Variants in FASN observed in about 807,000 individuals in gnomAD.
FASN encodes the protein 3-hydroxyacyl-[acyl-carrier-protein] dehydratase.
FASN carries 50 observed loss-of-function variants against 250.0 expected under a neutral mutation model. That is an observed-to-expected ratio of 0.20 (90% CI 0.16 to 0.25). The LOEUF is 0.25. Among genes scored for constraint, FASN ranks in the 10% least tolerant of loss-of-function variants. FASN has a pLI of 1.00. For missense variants in FASN, 3,031 were observed against 3,498.5 expected (o/e 0.87, Z 3.37); for synonymous variants, 1,909 against 1,584.0 (o/e 1.21, Z -4.87).
At position 82,093,250 on chromosome 17, in the gene FASN, G is replaced by T. The variant is rs45624241; in HGVS notation, c.624C>A (p.Pro208=). 3 of 1,591,540 alleles carry T rather than the reference G, an allele frequency of 1.9e-6. No homozygotes were observed. The highest frequency in any genetic ancestry group is 2.7e-5 in the African/African-American group (2 of 74,758). Residue 208 remains proline (P), a synonymous_variant, in exon 5 of 43, where the codon CCC becomes CCA. Transcript: ENST00000306749. ...VQFLRLGMLS[P]EGTCKAFDTA... ...TGTCGAAGGCCTTGCAGGTGCCCTCGGGGCTGAGCATCCCCAGCCTCAAGA... is the reference window on the plus strand; with the variant it reads ...TGTCGAAGGCCTTGCAGGTGCCCTCTGGGCTGAGCATCCCCAGCCTCAAGA...
intron 8 of FASN, 22 bp downstream of exon 8, chr17:82,092,433 C>T: frequency 6.4e-7 from 1 of 1,556,636 alleles, no homozygotes; most frequent in Non-Finnish European, 8.7e-7. Flanking sequence ...CCTGAGGGAC[C>T]CCCAAGCCCA....
rs369165896 is a variant in FASN, at chr17:82,079,390, G to A, written c.7365C>T (p.Gly2455=). ...LLRAKTGGAY[G]EDLGADYNLS... ...GGTTGTAGTCCGCGCCCAGGTCCTCGCCGTAGGCGCCACCCGTCTTGGCGC... is the reference window on the plus strand; with the variant it reads ...GGTTGTAGTCCGCGCCCAGGTCCTCACCGTAGGCGCCACCCGTCTTGGCGC... Residue 2455 remains glycine, a synonymous_variant, in exon 42 of 43, where the codon GGC becomes GGT. Transcript: ENST00000306749. The A allele has an allele frequency of 2.4e-5, 38 of 1,612,880 alleles. No individual in the cohort carries two copies. The highest frequency in any genetic ancestry group is 9.3e-5 in the African/African-American group (7 of 74,954).
In FASN at chr17:82,080,556, G is replaced by A; in HGVS notation, c.6861C>T (p.Ala2287=). ...APLDSIHSLA[A]YYIDCIRQVQ... ...CCTGCCTGATGCAGTCGATGTAGTA[G>A]GCAGCCAGGCTGTGGATGCTGTCAA... The change falls in exon 40 of 43, where the codon GCC becomes GCT. Residue 2287 remains alanine, a synonymous_variant. Coordinates refer to ENST00000306749, the MANE Select transcript of FASN (RefSeq NM_004104.5). 4.5e-6 allele frequency: 7 copies of A among 1,559,688 alleles called. No homozygotes were observed. The highest frequency in any genetic ancestry group is 1.2e-5 in the South Asian group (1 of 85,084).
chr17:82,096,562 G>A (rs2034307804), intron 1 of FASN, 110 bp from the exon 2 acceptor site: 3 of 1,515,254 alleles, frequency 2.0e-6, no homozygotes, highest in East Asian at 2.3e-5. Flanking sequence ...ACCACCCTGA[G>A]GGTCCGTGCG....
At chr17:82,086,166 C>A (rs2034093898) in intron 22 of FASN, 88 bp downstream of exon 22, 2 of 1,531,176 alleles carry the variant, frequency 1.3e-6, no homozygotes, top group Non-Finnish European at 1.7e-6. Context: ...CAGGGCCCGC[C>A]CCGTGTCTGT....
chr17:82,089,609 C>G (rs767802559), intron 12 of FASN, 23 bp downstream of exon 12: 11 of 1,574,326 alleles, frequency 7.0e-6, no homozygotes, highest in Non-Finnish European at 9.5e-6. Flanking sequence ...GACAGAGGAG[C>G]CCGCCCAGGC....
chr17:82,095,201 G>A, intron 3 of FASN, 119 bp downstream of exon 3: 1 of 1,274,918 alleles, frequency 7.8e-7, no homozygotes, highest in Non-Finnish European at 1.1e-6. Context: ...CAGGGGCACA[G>A]CCGGGGAGGG....
At chr17:82,088,081 AG>A (rs1179836134) in intron 17 of FASN, 34 bp downstream of exon 17, 2 of 1,612,452 alleles carry the variant, frequency 1.2e-6, no homozygotes, top group Admixed American at 3.3e-5. Context: ...CCCGCCCCCC[AG>A]CTACCCCCGC....
At chr17:82,096,537 C>G in intron 1 of FASN, 85 bp from the exon 2 acceptor site, 3 of 1,586,808 alleles carry the variant, frequency 1.9e-6, no homozygotes, top group Non-Finnish European at 2.6e-6. Context: ...CAGGTGGACA[C>G]CCATGGGGCC....
In FASN at chr17:82,082,171, G is replaced by T; in HGVS notation, c.6012-11C>A. ...GCCTCTCGGGTCACCCTGTGGGCAC[G>T]CGTGTCACTCCCCATTGGCCAGCAT... On this transcript the variant is annotated splice_polypyrimidine_tract_variant and intron_variant, in intron 35 of 42. Transcript: ENST00000306749. The T allele has an allele frequency of 6.2e-7, 1 of 1,601,688 alleles. No individual in the cohort carries two copies. Among genetic ancestry groups the T allele is most frequent in the Middle Eastern group, 1.7e-4 (1 of 6,060 alleles).
intron 33 of FASN, 37 bp from the exon 34 acceptor site, chr17:82,082,715 G>A: frequency 6.2e-7 from 1 of 1,602,554 alleles, no homozygotes; most frequent in Non-Finnish European, 8.5e-7. Flanking sequence ...ACTGGGCCAG[G>A]GTACGGTCTC....
chr17:82,089,149 A>T lies in FASN; in HGVS notation c.2124T>A (p.Arg708=), dbSNP rs1284972332. ...LKKVIREPKP[R]SARWLSTSIP... is the part of the protein sequence containing the mutation. ...TAGAGGTGCTGAGCCAGCGGGCTGA[A>T]CGTGGCTTCGGCTCCCGGATCACCT... The change falls in exon 14 of 43, where the codon CGT becomes CGA. Residue 708 remains arginine, a synonymous_variant. Transcript: ENST00000306749. 6.4e-7 allele frequency: 1 copy of T among 1,571,618 alleles called. No individual in the cohort carries two copies. Among genetic ancestry groups the T allele is most frequent in the African/African-American group, 1.4e-5 (1 of 73,674 alleles).
In FASN at chr17:82,091,026, G is replaced by A. The variant is rs368917950; in HGVS notation, c.1536C>T (p.Arg512=). 14 of 1,612,740 alleles carry A rather than the reference G, an allele frequency of 8.7e-6. No individual in the cohort carries two copies. The highest frequency in any genetic ancestry group is 3.3e-5 in the Admixed American group (2 of 60,022). Residue 512 remains arginine (R), a synonymous_variant, in exon 10 of 43, where the codon CGC becomes CGT. Transcript: ENST00000306749. ...GGATGGAATCTCGGAAGCGGTCCAG[G>A]CGCATGAGGCTCAGCCCCATCCCGC... The part of the protein sequence containing the change: ...QWRGMGLSLM[R]LDRFRDSILR...
chr17:82,081,086 G>A (rs1420522441), intron 38 of FASN, 78 bp downstream of exon 38: 28 of 1,500,244 alleles, frequency 1.9e-5, no homozygotes, highest in African/African-American at 5.5e-5. Context: ...TATGCCTGCC[G>A]GGACACGGTC....
At chr17:82,094,826 G>A (rs1598584865) in intron 3 of FASN, among the ~76,000 whole-genome samples, 1 of 151,370 alleles carries the variant, frequency 6.6e-6, no homozygotes, top group Non-Finnish European at 1.5e-5. Context: ...ATAAAAAAAC[G>A]GCGTGGCGCT....
chr17:82,085,996 C>G, intron 22 of FASN, 125 bp from the exon 23 acceptor site: 1 of 1,279,086 alleles, frequency 7.8e-7, no homozygotes, highest in African/African-American at 1.5e-5. Flanking sequence ...ATGACGGTGC[C>G]AGCCATGGGC....
Position 82,087,814 on chromosome 17 carries a change from G to A in FASN, c.2914C>T (p.Pro972Ser), listed in dbSNP as rs1327898879. 6.2e-7 allele frequency: 1 copy of A among 1,612,656 alleles called. No homozygotes were observed. Among genetic ancestry groups the A allele is most frequent in the Non-Finnish European group, 8.5e-7 (1 of 1,179,930 alleles). The change falls in exon 19 of 43, where the codon CCG (proline) becomes TCG (serine). Residue 972 changes from proline to serine, a missense_variant. By Grantham distance (74) the Pro-to-Ser change is moderately conservative. Transcript: ENST00000306749. Reference sequence around the variant, plus strand: ...GTGGGGTTGGGGGTGGGGCTTTCCGGGTGGTCGAAGAGCCTGGGGTCAGGG... The same window carrying A: ...GTGGGGTTGGGGGTGGGGCTTTCCGAGTGGTCGAAGAGCCTGGGGTCAGGG... ...DDPDPRLFDH[P>S]ESPTPNPTEP...
chr17:82,084,582 AG>A lies in FASN; in HGVS notation c.4698del (p.Tyr1567ThrfsTer33). 1 of 1,611,148 alleles carries A rather than the reference AG, an allele frequency of 6.2e-7. No individual in the cohort carries two copies. The highest frequency in any genetic ancestry group is 8.5e-7 in the Non-Finnish European group (1 of 1,179,356). ...TCGCGGAAGTTGAGGGAGGCGTAGT[AG>A]ACCGTGCAGAGCTGGGCGCCAGGGC... ...PTCPGAQLCT[V>X]YYASLNFRDI... On this transcript the variant is annotated frameshift_variant, in exon 27 of 43. Transcript: ENST00000306749. LOFTEE classifies it high-confidence loss of function.
rs2034138609 is a variant in FASN at position 82,088,154 on chromosome 17, T to C, written c.2747A>G (p.Asp916Gly). The C allele has an allele frequency of 1.2e-6, 2 of 1,612,592 alleles. No individual in the cohort carries two copies. The highest frequency in any genetic ancestry group is 1.7e-6 in the Non-Finnish European group (2 of 1,179,958). The change falls in exon 17 of 43, where the codon GAT becomes GGT. Residue 916 changes from aspartate (D) to glycine (G), a missense_variant. By Grantham distance (94) the Asp-to-Gly change is moderately conservative. Coordinates refer to ENST00000306749, the MANE Select transcript of FASN (RefSeq NM_004104.5). ...GATGGTGGCCTGGTGCAGCACCACATCCTCAAACACCACAGGCAGCTGCTC... is the reference window on the plus strand; with the variant it reads ...GATGGTGGCCTGGTGCAGCACCACACCCTCAAACACCACAGGCAGCTGCTC... The part of the protein sequence containing the change: ...GVEQLPVVFE[D>G]VVLHQATILP...
Sources: gnomAD v4.1 joint callset for allele counts (sites outside exome capture counted in the v4.1 genomes callset) on GRCh38, gnomAD v4.1.1 for gene constraint, MANE v1.5 for transcripts, NCBI Gene and HGNC (gene_info 2026-07-23, HGNC 2026-07-21) for gene names.